Variants in RPS6KA2 observed in about 807,000 individuals in gnomAD.
RPS6KA2 encodes the protein ribosomal protein S6 kinase A2, also known as ribosomal protein S6 kinase alpha-2.
Under a neutral mutation model 91.8 loss-of-function variants are expected in RPS6KA2, and 42 were observed. The ratio of observed to expected loss-of-function variants is 0.46; its 90% CI spans 0.36 to 0.59. The LOEUF (loss-of-function observed/expected upper bound fraction) is 0.59. Ranked by LOEUF, RPS6KA2 falls within the 20% of genes least tolerant of loss-of-function variation. The probability of loss-of-function intolerance (pLI) is 0.00; values close to 1 mark genes in which losing one functional copy is unlikely to be tolerated. For missense variants in RPS6KA2, 798 were observed against 978.5 expected, an observed-to-expected ratio of 0.82 and a Z score of 2.46; for synonymous variants, 414 against 393.6, an observed-to-expected ratio of 1.05 and a Z score of -0.61.
intron 3 of RPS6KA2, among the ~76,000 whole-genome samples, chr6:166,513,974 T>G (rs1011482270): frequency 1.3e-5 from 2 of 152,224 alleles, no homozygotes; most frequent in African/African-American, 2.4e-5. Context: ...CTGTTTATCA[T>G]TTGTGAGTTC....
intron 2 of RPS6KA2, among the ~76,000 whole-genome samples, chr6:166,814,334 C>T (rs1223528618): frequency 2.0e-5 from 3 of 152,368 alleles, no homozygotes; most frequent in African/African-American, 7.2e-5. Flanking sequence ...CAATGATTCA[C>T]ATCTTTCCTT....
chr6:166,800,736 G>C (rs1193241804), intron 2 of RPS6KA2, among the ~76,000 whole-genome samples: 1 of 152,208 alleles, frequency 6.6e-6, no homozygotes, highest in Non-Finnish European at 1.5e-5. Context: ...CCTGAACAAA[G>C]ACAGTTGGCC....
chr6:166,420,429 C>T (rs571157077), intron 17 of RPS6KA2, among the ~76,000 whole-genome samples: 58 of 152,316 alleles, frequency 3.8e-4, no homozygotes, highest in African/African-American at 1.3e-3. Flanking sequence ...CCCCCAACAC[C>T]TACCCTTCTA....
At chr6:166,587,283 G>C (rs1785208056) in intron 1 of RPS6KA2, among the ~76,000 whole-genome samples, 1 of 152,202 alleles carries the variant, frequency 6.6e-6, no homozygotes, top group African/African-American at 2.4e-5. Context: ...TGGGACAGAG[G>C]GAGGCAAGAA....
At chr6:166,507,367 AACACACACACAC>A (rs3837033) in intron 5 of RPS6KA2, among the ~76,000 whole-genome samples, 8 of 80,300 alleles carry the variant, frequency 1.0e-4, no homozygotes, top group Non-Finnish European at 1.5e-4. Context: ...CAGCACACCC[AACACACACACAC>A]ACACACACAC....
At chr6:166,667,210 C>T (rs1295191226) in intron 2 of RPS6KA2, among the ~76,000 whole-genome samples, 1 of 152,228 alleles carries the variant, frequency 6.6e-6, no homozygotes, top group African/African-American at 2.4e-5. Flanking sequence ...CCCAATACCA[C>T]TGAACTGCAC....
intron 2 of RPS6KA2, among the ~76,000 whole-genome samples, chr6:166,790,871 C>T (rs1269175642): frequency 5.3e-5 from 8 of 152,034 alleles, no homozygotes; most frequent in Admixed American, 2.6e-4. Flanking sequence ...AAGCACTAAA[C>T]ATGGAAAGGA....
chr6:166,631,969 G>A (rs1253063260), upstream of RPS6KA2, among the ~76,000 whole-genome samples: 4 of 151,398 alleles, frequency 2.6e-5, no homozygotes, highest in East Asian at 1.9e-4. Flanking sequence ...ACAGAGAGGC[G>A]GTGGGGACAG....
At chr6:166,783,874 C>T (rs74581044) in intron 2 of RPS6KA2, among the ~76,000 whole-genome samples, 4 of 70,922 alleles carry the variant, frequency 5.6e-5, no homozygotes, top group East Asian at 2.3e-4. Context: ...TGCACACCTA[C>T]GCATCACCAC....
rs1480977562 is a variant in RPS6KA2 at position 166,493,179 on chromosome 6, A to T, written c.748-2438T>A. 1.3e-5 allele frequency among the ~76,000 whole-genome samples: 2 copies of T among 152,020 alleles called. No individual in the cohort carries two copies. Among genetic ancestry groups the T allele is most frequent in the Non-Finnish European group, 2.9e-5 (2 of 67,992 alleles). ...TCAGCCAGAGAACACCCAGCACAGC[A>T]CCCATGAATATTCAACAACTGCTTC... On this transcript the variant is annotated intron_variant, in intron 8 of 20. Coordinates refer to ENST00000265678, the MANE Select transcript of RPS6KA2 (RefSeq NM_021135.6). The surrounding 1 kb of genome is among the most constrained non-coding windows in gnomAD (Gnocchi z 4.7).
intron 2 of RPS6KA2, among the ~76,000 whole-genome samples, chr6:166,647,482 A>G (rs1787643617): frequency 1.3e-5 from 2 of 152,188 alleles, no homozygotes; most frequent in East Asian, 3.8e-4. Context: ...GGTCTGGTCA[A>G]GCCCTTCCCT....
chr6:166,506,954 C>T (rs371683708), intron 5 of RPS6KA2, among the ~76,000 whole-genome samples: 166 of 152,228 alleles, frequency 1.1e-3, no homozygotes, highest in African/African-American at 3.7e-3. Flanking sequence ...GTGCTTTTCA[C>T]GTCAATCAGG....
chr6:166,683,742 T>A (rs1037740934), intron 2 of RPS6KA2, among the ~76,000 whole-genome samples: 1 of 152,242 alleles, frequency 6.6e-6, no homozygotes, highest in Non-Finnish European at 1.5e-5. Context: ...GCTTTTCGCA[T>A]CCAGGGCCTC....
chr6:166,731,900 G>A (rs6918155), intron 2 of RPS6KA2, among the ~76,000 whole-genome samples: 40,272 of 151,534 alleles, frequency 0.27, 7,307 homozygotes, highest in African/African-American at 0.52. Context: ...CCTCAGCAAA[G>A]CTCCTGAATA....
intron 3 of RPS6KA2, among the ~76,000 whole-genome samples, chr6:166,517,234 C>T (rs564142486): frequency 6.6e-6 from 1 of 152,192 alleles, no homozygotes; most frequent in East Asian, 1.9e-4. Flanking sequence ...GTGGCTCATA[C>T]CTGTAATCCC....
At chr6:166,702,017 A>T in intron 2 of RPS6KA2, 1 of 1,045,670 alleles carries the variant, frequency 9.6e-7, no homozygotes, top group Non-Finnish European at 1.5e-6. Flanking sequence ...TGTGAATTTT[A>T]CATCTTGAGT....
intron 3 of RPS6KA2, among the ~76,000 whole-genome samples, chr6:166,521,092 C>T (rs1322938159): frequency 6.6e-6 from 1 of 152,264 alleles, no homozygotes. Context: ...TGAGCCCCAG[C>T]AGTTGCCTTC....
At chr6:166,604,574 A>T (rs1440025248) in intron 1 of RPS6KA2, among the ~76,000 whole-genome samples, 1 of 152,194 alleles carries the variant, frequency 6.6e-6, no homozygotes. Context: ...GGCACCTCAT[A>T]TGCCGTGCCT....
intron 3 of RPS6KA2, among the ~76,000 whole-genome samples, chr6:166,512,940 A>T (rs1782520852): frequency 6.6e-6 from 1 of 151,900 alleles, no homozygotes; most frequent in African/African-American, 2.4e-5. Context: ...TCCCTCTTCT[A>T]ACCCCAGACC....
Sources: allele counts gnomAD v4.1 joint callset (sites outside exome capture counted in the v4.1 genomes callset), GRCh38; gene constraint gnomAD v4.1.1; non-coding constraint Gnocchi (gnomAD v3.1); transcripts MANE v1.5; gene names NCBI Gene and HGNC (gene_info 2026-07-23, HGNC 2026-07-21).